The following SLCO1B3 variants were observed in gnomAD, a reference collection of about 807,000 sequenced individuals.
The protein encoded by SLCO1B3 is liver-specific organic anion transporter 2.
Under a neutral mutation model 71.8 loss-of-function variants are expected in SLCO1B3, and 72 were observed. The observed-to-expected ratio is 1.00, with a 90% confidence interval of 0.83 to 1.22. SLCO1B3 has a LOEUF of 1.22. SLCO1B3 is among the 50% of genes most tolerant of loss of function. The pLI is 0.00. For missense variants in SLCO1B3, 911 were observed against 819.7 expected (o/e 1.11, Z -1.36); for synonymous variants, 298 against 278.4 (o/e 1.07, Z -0.70).
intron 3 of SLCO1B3, among the ~76,000 whole-genome samples, chr12:20,841,712 A>C (rs914974059): frequency 1.3e-5 from 2 of 151,810 alleles, no homozygotes; most frequent in African/African-American, 4.8e-5. Context: ...ACTTTTTTAG[A>C]TTTCACCCTC....
At chr12:20,859,868 C>T (rs1865219189) in intron 5 of SLCO1B3, among the ~76,000 whole-genome samples, 1 of 151,998 alleles carries the variant, frequency 6.6e-6, no homozygotes, top group South Asian at 2.1e-4. Flanking sequence ...TGAATTCTAC[C>T]CATCTTCAAT....
At chr12:20,887,962 C>T (rs1049053469) in intron 13 of SLCO1B3, among the ~76,000 whole-genome samples, 2 of 151,904 alleles carry the variant, frequency 1.3e-5, no homozygotes, top group African/African-American at 4.8e-5. Flanking sequence ...ATTTTCCCAG[C>T]ACCATTTATT....
At chr12:20,843,773 T>G (rs1390165710) in intron 3 of SLCO1B3, among the ~76,000 whole-genome samples, 1 of 148,948 alleles carries the variant, frequency 6.7e-6, no homozygotes, top group Non-Finnish European at 1.5e-5. Flanking sequence ...AGAGTGAGAC[T>G]CTGTCTCAAA....
intron 15 of SLCO1B3, among the ~76,000 whole-genome samples, chr12:20,908,931 A>G (rs1866309836): frequency 6.6e-6 from 1 of 152,168 alleles, no homozygotes; most frequent in Admixed American, 6.5e-5. Context: ...TCATATGATA[A>G]AAATATGTAT....
intron 3 of SLCO1B3, among the ~76,000 whole-genome samples, chr12:20,840,464 T>G (rs1864772950): frequency 6.6e-6 from 1 of 151,050 alleles, no homozygotes; most frequent in African/African-American, 2.4e-5. Context: ...TGATCTTAGC[T>G]CACTACAGCC....
At chr12:20,828,446 A>T (rs527550635) in intron 3 of SLCO1B3, among the ~76,000 whole-genome samples, 1 of 152,256 alleles carries the variant, frequency 6.6e-6, no homozygotes, top group Non-Finnish European at 1.5e-5. Flanking sequence ...GTATTTTCTT[A>T]AGGAATCCCA....
chr12:20,897,826 T>C (rs1168241203), intron 13 of SLCO1B3, among the ~76,000 whole-genome samples: 1 of 152,160 alleles, frequency 6.6e-6, no homozygotes, highest in African/African-American at 2.4e-5. Context: ...ATCAGTTTAT[T>C]GAACACAGAA....
chr12:20,827,918 A>G (rs2121117033), intron 3 of SLCO1B3, among the ~76,000 whole-genome samples: 1 of 152,300 alleles, frequency 6.6e-6, no homozygotes, highest in South Asian at 2.1e-4. Flanking sequence ...TTGCATACTA[A>G]AGGAACAACT....
At chr12:20,834,186 A>G (rs1448293090) in intron 3 of SLCO1B3, among the ~76,000 whole-genome samples, 1 of 145,654 alleles carries the variant, frequency 6.9e-6, no homozygotes, top group Non-Finnish European at 1.5e-5. Context: ...TATATAGTAA[A>G]CATATATAAA....
At chr12:20,844,227 A>G (rs1158772539) in intron 3 of SLCO1B3, among the ~76,000 whole-genome samples, 1 of 152,082 alleles carries the variant, frequency 6.6e-6, no homozygotes, top group Non-Finnish European at 1.5e-5. Context: ...TGTAAGTTAT[A>G]TAAAGATACC....
chr12:20,833,218 C>T (rs372594767), intron 3 of SLCO1B3, among the ~76,000 whole-genome samples: 2 of 151,988 alleles, frequency 1.3e-5, no homozygotes, highest in Non-Finnish European at 2.9e-5. Flanking sequence ...TCAAGTCAAT[C>T]TCTTTGTTTT....
chr12:20,894,244 A>G (rs1362242083), intron 13 of SLCO1B3, among the ~76,000 whole-genome samples: 2 of 152,156 alleles, frequency 1.3e-5, no homozygotes, highest in African/African-American at 4.8e-5. Flanking sequence ...GCTCAATATC[A>G]TATGTAAAGC....
chr12:20,837,550 A>G (rs1864709690), intron 3 of SLCO1B3, among the ~76,000 whole-genome samples: 1 of 152,088 alleles, frequency 6.6e-6, no homozygotes, highest in Non-Finnish European at 1.5e-5. Context: ...TTAAAAACTT[A>G]TCTTGAGATT....
chr12:20,882,434 C>T (rs897698359), intron 12 of SLCO1B3, among the ~76,000 whole-genome samples: 2 of 152,050 alleles, frequency 1.3e-5, no homozygotes, highest in Non-Finnish European at 1.5e-5. Context: ...GATGGAGTCT[C>T]ACCCTGTCAC....
At chr12:20,827,692 C>T (rs930553641) in intron 3 of SLCO1B3, among the ~76,000 whole-genome samples, 1 of 152,046 alleles carries the variant, frequency 6.6e-6, no homozygotes, top group Non-Finnish European at 1.5e-5. Flanking sequence ...CTGCCGCAGC[C>T]TCCCGAGTAG....
intron 3 of SLCO1B3, among the ~76,000 whole-genome samples, chr12:20,828,440 TTTC>T (rs1360758233): frequency 6.6e-6 from 1 of 152,096 alleles, no homozygotes; most frequent in Non-Finnish European, 1.5e-5. Flanking sequence ...AAACCTGTAT[TTTC>T]TTAAGGAATC....
Position 20,916,281 on chromosome 12 carries a change from G to C in SLCO1B3, c.*34G>C, listed in dbSNP as rs376969190. The C allele has an allele frequency of 1.9e-6, 3 of 1,592,486 alleles. No individual in the cohort carries two copies. In the African/African-American group the frequency reaches 4.0e-5, roughly 21 times the overall value. ...TGATTCATTAAGATGTTATTTTTGAGGTGTTCCTGGTCTTTCACTGACAAT... is the reference window on the plus strand; with the variant it reads ...TGATTCATTAAGATGTTATTTTTGACGTGTTCCTGGTCTTTCACTGACAAT... On this transcript the variant is annotated 3_prime_UTR_variant, in exon 16 of 16. Transcript: ENST00000381545.
In SLCO1B3 at chr12:20,850,218, G is replaced by A. The variant is rs542939181; in HGVS notation, c.85-4810G>A. On this transcript the variant is annotated intron_variant, in intron 3 of 15. Transcript: ENST00000381545. ...TAGTTATATAGGTAAATTGTGTGTT[G>A]CAGATGTTTGATGTACAGATTATTT... Among the ~76,000 whole-genome samples the A allele has an allele frequency of 1.2e-4, 18 of 150,340 alleles. No homozygotes were observed. In the East Asian group the frequency reaches 2.3e-3, roughly 19 times the overall value.
At chr12:20,902,393 T>A (rs1866147855) in intron 15 of SLCO1B3, 1 of 152,448 alleles carries the variant, frequency 6.6e-6, no homozygotes, top group Admixed American at 6.5e-5. Flanking sequence ...TGATTGTAGT[T>A]TTGGTTTGTA....
Sources: gnomAD v4.1 joint callset for allele counts (sites outside exome capture counted in the v4.1 genomes callset) on GRCh38, gnomAD v4.1.1 for gene constraint, MANE v1.5 for transcripts, NCBI Gene and HGNC (gene_info 2026-07-23, HGNC 2026-07-21) for gene names.